PARP8: variants seen among roughly 807,000 people sequenced by gnomAD.
PARP8 encodes the protein poly(ADP-ribose) polymerase family member 8.
A neutral mutation model predicts 124.1 loss-of-function variants in PARP8; 51 were observed. That is an observed-to-expected ratio of 0.41 (90% confidence interval 0.33 to 0.52). PARP8 has a LOEUF of 0.52. Among genes scored for constraint, PARP8 ranks in the 20% least tolerant of loss-of-function variants. The pLI, the probability that PARP8 is intolerant of heterozygous loss-of-function variation, is 0.21. For missense variants in PARP8, 860 were observed against 1,018.9 expected (o/e 0.84, Z 2.12); for synonymous variants, 391 against 361.5 (o/e 1.08, Z -0.93).
intron 14 of PARP8, among the ~76,000 whole-genome samples, chr5:50,812,870 T>C (rs1197185885): frequency 6.6e-6 from 1 of 152,198 alleles, no homozygotes; most frequent in African/African-American, 2.4e-5. Context: ...CTATTTCTTG[T>C]TTTTGTCAGG....
At chr5:50,797,796 T>A (rs1406979654) in intron 14 of PARP8, among the ~76,000 whole-genome samples, 1 of 152,252 alleles carries the variant, frequency 6.6e-6, no homozygotes, top group Admixed American at 6.5e-5. Flanking sequence ...AAAATGATTT[T>A]TTTTGGAATT....
intron 2 of PARP8, among the ~76,000 whole-genome samples, chr5:50,700,814 A>G (rs1753516495): frequency 6.6e-6 from 1 of 152,074 alleles, no homozygotes; most frequent in Non-Finnish European, 1.5e-5. Context: ...TCTTTCATAA[A>G]CTTCCATGTC....
chr5:50,726,379 A>G (rs1756432071), intron 2 of PARP8, among the ~76,000 whole-genome samples: 1 of 152,158 alleles, frequency 6.6e-6, no homozygotes. Flanking sequence ...CTACTTTTCA[A>G]GCTTTACTTT....
At chr5:50,764,678 C>T (rs1760879452) in intron 7 of PARP8, among the ~76,000 whole-genome samples, 1 of 152,004 alleles carries the variant, frequency 6.6e-6, no homozygotes, top group Admixed American at 6.6e-5. Flanking sequence ...AAATTAGCTG[C>T]AATAATTTTA....
At chr5:50,703,902 T>C (rs1201331179) in intron 2 of PARP8, among the ~76,000 whole-genome samples, 14 of 152,068 alleles carry the variant, frequency 9.2e-5, no homozygotes, top group Non-Finnish European at 1.5e-4. Flanking sequence ...CTTTTTTTTT[T>C]TTAAATTTCA....
intron 2 of PARP8, among the ~76,000 whole-genome samples, chr5:50,736,664 C>A (rs1287110920): frequency 6.6e-6 from 1 of 152,114 alleles, no homozygotes; most frequent in African/African-American, 2.4e-5. Context: ...ATGCCATGAA[C>A]AAGAATCACT....
Position 50,796,951 on chromosome 5 carries a change from T to G in PARP8, c.1429-31T>G, listed in dbSNP as rs184558955. 7.7e-4 allele frequency: 1,220 copies of G among 1,576,908 alleles called. 13 individuals are homozygous for G. In the African/African-American group the frequency reaches 0.016, roughly 20 times the overall value. ...TTATACATTTTTACATTTAAAAAAA[T>G]TATCATTTTTTTTTACTTTGCTTTT... is the stretch of plus-strand genomic sequence containing the variant. On this transcript the variant is annotated intron_variant, in intron 12 of 25. Coordinates refer to ENST00000281631, the MANE Select transcript of PARP8 (RefSeq NM_024615.4).
At chr5:50,744,500 A>G (rs1758346854) in intron 2 of PARP8, among the ~76,000 whole-genome samples, 1 of 152,214 alleles carries the variant, frequency 6.6e-6, no homozygotes, top group South Asian at 2.1e-4. Flanking sequence ...AGATGCTTTC[A>G]GAGGAAAAAG....
chr5:50,803,126 C>T (rs1376832624), intron 14 of PARP8, among the ~76,000 whole-genome samples: 11 of 152,102 alleles, frequency 7.2e-5, no homozygotes, highest in Admixed American at 7.2e-4. Flanking sequence ...AGGATTTGTG[C>T]CGTTTTCAGC....
At chr5:50,679,185 T>C (rs1751000231) in intron 2 of PARP8, among the ~76,000 whole-genome samples, 1 of 152,284 alleles carries the variant, frequency 6.6e-6, no homozygotes, top group East Asian at 1.9e-4. Context: ...TAGTGTACAC[T>C]GATCAATATA....
intron 14 of PARP8, among the ~76,000 whole-genome samples, chr5:50,802,280 T>C (rs1743310287): frequency 6.6e-6 from 1 of 152,208 alleles, no homozygotes; most frequent in Admixed American, 6.5e-5. Flanking sequence ...ATTAACATTC[T>C]AATTTCTAAA....
intron 9 of PARP8, among the ~76,000 whole-genome samples, chr5:50,786,995 G>C (rs1182400617): frequency 2.0e-5 from 3 of 152,092 alleles, no homozygotes; most frequent in Non-Finnish European, 4.4e-5. Flanking sequence ...CAAATAACTA[G>C]TCTTATCTGC....
intron 2 of PARP8, among the ~76,000 whole-genome samples, chr5:50,687,920 T>A (rs1018114143): frequency 6.6e-6 from 1 of 152,174 alleles, no homozygotes; most frequent in Non-Finnish European, 1.5e-5. Flanking sequence ...CTTGTCTCCT[T>A]GTAGCATCCA....
Position 50,795,057 on chromosome 5 carries a change from A to C in PARP8, c.1068A>C (p.Ala356=). The C allele has an allele frequency of 6.2e-7, 1 of 1,614,194 alleles. No individual in the cohort carries two copies. Among genetic ancestry groups the C allele is most frequent in the Non-Finnish European group, 8.5e-7 (1 of 1,180,032 alleles). ...SDPRAEQAMT[A]IKSHKLLNRP... ...CCAGGGCGGAGCAGGCTATGACAGC[A>C]ATTAAATCGCACAAACTTTTGAACC... Residue 356 remains alanine (A), a synonymous_variant, in exon 12 of 26, where the codon GCA becomes GCC. Transcript: ENST00000281631.
rs1227681190 is a variant in PARP8, at chr5:50,761,805, A to T, written c.346-16A>T. The T allele has an allele frequency of 6.7e-7, 1 of 1,494,504 alleles. No individual in the cohort carries two copies. Among genetic ancestry groups the T allele is most frequent in the African/African-American group, 1.4e-5 (1 of 70,938 alleles). 92.6% of individuals were successfully genotyped at this position (1,494,504 alleles called of 1,614,324 possible). Reference sequence around the variant, plus strand: ...AATTTGACCATTAAATTGTTTTCTTACTTTATTATTTTAAGGAATCAAGAC... The same window carrying T: ...AATTTGACCATTAAATTGTTTTCTTTCTTTATTATTTTAAGGAATCAAGAC... On this transcript the variant is annotated splice_polypyrimidine_tract_variant and intron_variant, in intron 5 of 25. Coordinates refer to ENST00000281631, the MANE Select transcript of PARP8 (RefSeq NM_024615.4).
At chr5:50,679,587 A>G (rs1344979360) in intron 2 of PARP8, among the ~76,000 whole-genome samples, 2 of 152,160 alleles carry the variant, frequency 1.3e-5, no homozygotes, top group Admixed American at 1.3e-4. Context: ...ACATTTGGCA[A>G]TTTCGACTGG....
chr5:50,800,038 A>G (rs1305626930), intron 14 of PARP8, among the ~76,000 whole-genome samples: 1 of 152,206 alleles, frequency 6.6e-6, no homozygotes, highest in Non-Finnish European at 1.5e-5. Context: ...CCAAGACATC[A>G]TCTTAACAAT....
chr5:50,667,427 C>A (rs1216909764), intron 1 of PARP8: 5 of 701,640 alleles, frequency 7.1e-6, no homozygotes, highest in Admixed American at 6.0e-5. Flanking sequence ...GCCCGCGTGG[C>A]CGGAGCGGGG....
At chr5:50,724,809 TG>T (rs1266892466) in intron 2 of PARP8, among the ~76,000 whole-genome samples, 1 of 152,020 alleles carries the variant, frequency 6.6e-6, no homozygotes, top group African/African-American at 2.4e-5. Context: ...ACCTAGGTAG[TG>T]TACATTGTAC....
Sources: gnomAD v4.1 joint callset for allele counts (sites outside exome capture counted in the v4.1 genomes callset) on GRCh38, gnomAD v4.1.1 for gene constraint, MANE v1.5 for transcripts, NCBI Gene and HGNC (gene_info 2026-07-23, HGNC 2026-07-21) for gene names.